Variants in TRMT1 observed in about 807,000 individuals in gnomAD.
TRMT1 encodes the protein tRNA (guanine(26)-N(2))-dimethyltransferase.
A neutral mutation model predicts 75.4 loss-of-function variants in TRMT1; 63 were observed. The ratio of observed to expected loss-of-function variants is 0.84; its 90% CI spans 0.68 to 1.03. The LOEUF (loss-of-function observed/expected upper bound fraction) is 1.03, where lower values mean the gene tolerates loss of function less well. Ranked by LOEUF, TRMT1 falls within the 50% of genes least tolerant of loss-of-function variation. The pLI is 0.00. For synonymous variants in TRMT1, 382 were observed against 358.1 expected (o/e 1.07, Z -0.75); for missense variants, 870 against 905.3 (o/e 0.96, Z 0.50).
chr19:13,109,481 A>G lies in TRMT1; in HGVS notation c.1312-15T>C. 6.2e-7 allele frequency: 1 copy of G among 1,614,020 alleles called. No individual in the cohort carries two copies. Among genetic ancestry groups the G allele is most frequent in the Non-Finnish European group, 8.5e-7 (1 of 1,180,004 alleles). On this transcript the variant is annotated splice_polypyrimidine_tract_variant and intron_variant, in intron 11 of 16. Transcript: ENST00000357720. ...TCCGGGAGCTCCTGCGATGGGGGAC[A>G]GGATGGGCATGAGTGGAGATGGACG...
chr19:13,112,623 G>T, intron 7 of TRMT1, 82 bp downstream of exon 7: 1 of 1,368,142 alleles, frequency 7.3e-7, no homozygotes, highest in Non-Finnish European at 1.0e-6. Flanking sequence ...CAGGTCTGAG[G>T]AGGGGGAAAG....
Position 13,109,559 on chromosome 19 carries a change from G to A in TRMT1, c.1302C>T (p.Val434=). Residue 434 remains valine, a synonymous_variant, in exon 11 of 17, where the codon GTC becomes GTT. Transcript: ENST00000357720. ...TSERIRGVLS[V]ITEELPDVPL... ...ACAGCCCGGCTCTCACCTCAGTGATGACGCTCAGGACCCCTCGGATCCGCT... is the reference window on the plus strand; with the variant it reads ...ACAGCCCGGCTCTCACCTCAGTGATAACGCTCAGGACCCCTCGGATCCGCT... The A allele has an allele frequency of 6.2e-7, 1 of 1,614,036 alleles. No homozygotes were observed. Among genetic ancestry groups the A allele is most frequent in the South Asian group, 1.1e-5 (1 of 91,074 alleles).
In TRMT1 at chr19:13,115,382, C is replaced by A; in HGVS notation, c.538G>T (p.Val180Leu). 6.2e-7 allele frequency: 1 copy of A among 1,614,134 alleles called. No homozygotes were observed. Among genetic ancestry groups the A allele is most frequent in the South Asian group, 1.1e-5 (1 of 91,090 alleles). ...FALEVPGLRS[V>L]VANDASTRAV... ...CGGGTGGAGGCATCGTTTGCAACCA[C>A]AGATCTGAGCCCAGGCACCTCTAGG... Residue 180 changes from valine (V) to leucine (L), a missense_variant, in exon 5 of 17, where the codon GTG (valine) becomes TTG (leucine). By Grantham distance (32) the Val-to-Leu change is conservative. Coordinates refer to ENST00000357720, the MANE Select transcript of TRMT1 (RefSeq NM_001136035.4).
At position 13,107,804 on chromosome 19, in the gene TRMT1, C is replaced by A; in HGVS notation, c.1453G>T (p.Ala485Ser). ...RVSLSHACKN[A>S]VKTDAPASAL... ...GAGGCAGGGGCATCCGTCTTCACAGCGTTCTTACAGGCGTGGGAGAGTGAG... is the reference window on the plus strand; with the variant it reads ...GAGGCAGGGGCATCCGTCTTCACAGAGTTCTTACAGGCGTGGGAGAGTGAG... The change falls in exon 13 of 17, where the codon GCT becomes TCT. Residue 485 changes from alanine (A) to serine (S), a missense_variant. Ala to Ser is a moderately conservative substitution (Grantham distance 99, BLOSUM62 1). Coordinates refer to ENST00000357720, the MANE Select transcript of TRMT1 (RefSeq NM_001136035.4). 1 of 1,552,284 alleles carries A rather than the reference C, an allele frequency of 6.4e-7. No homozygotes were observed. Among genetic ancestry groups the A allele is most frequent in the South Asian group, 1.2e-5 (1 of 84,164 alleles).
At chr19:13,111,032 G>T (rs1243058564) in intron 7 of TRMT1, among the ~76,000 whole-genome samples, 1 of 152,188 alleles carries the variant, frequency 6.6e-6, no homozygotes, top group African/African-American at 2.4e-5. Flanking sequence ...GCATTTCCCG[G>T]GCTGACTTCA....
Position 13,105,667 on chromosome 19 carries a change from C to T in TRMT1, c.1584-61G>A, listed in dbSNP as rs1599921545. On this transcript the variant is annotated intron_variant, in intron 14 of 16. Coordinates refer to ENST00000357720, the MANE Select transcript of TRMT1 (RefSeq NM_001136035.4). ...AAGCTGCCACACGAGTGTGTCCCCA[C>T]TCCCCACAGGGCCTGTCCGCCTCCA... The T allele has an allele frequency of 5.9e-6, 9 of 1,523,872 alleles. No individual in the cohort carries two copies. The East Asian group carries it at 2.0e-4, about 34-fold the overall frequency. The allele number at this position is 1,523,872 out of a possible 1,614,324, so 94.4% of individuals were successfully genotyped here.
rs1275904899 is a variant in TRMT1, at chr19:13,116,220, C to G, written c.180G>C (p.Gly60=). 6.2e-7 allele frequency: 1 copy of G among 1,614,080 alleles called. No individual in the cohort carries two copies. Among genetic ancestry groups the G allele is most frequent in the Non-Finnish European group, 8.5e-7 (1 of 1,180,044 alleles). The change falls in exon 2 of 17, where the codon GGG becomes GGC. Residue 60 remains glycine, a synonymous_variant. Coordinates refer to ENST00000357720, the MANE Select transcript of TRMT1 (RefSeq NM_001136035.4). ...REVQETTVTE[G]AAKIAFPSAN... ...CACTGGGAAAGGCGATTTTGGCAGC[C>G]CCCTCGGTGACTGTCGTCTCCTGGA...
At position 13,105,618 on chromosome 19, in the gene TRMT1, G is replaced by C. The variant is rs753340587; in HGVS notation, c.1584-12C>G. The C allele has an allele frequency of 3.1e-6, 5 of 1,609,328 alleles. No individual in the cohort carries two copies. The Admixed American group carries it at 8.4e-5, about 27-fold the overall frequency. ...AGTTGGCCTGCAGCCTAGGGAAGCA[G>C]GGGTGGGGCGTTGGGGCTGGGGGAA... On this transcript the variant is annotated splice_polypyrimidine_tract_variant and intron_variant, in intron 14 of 16. Coordinates refer to ENST00000357720, the MANE Select transcript of TRMT1 (RefSeq NM_001136035.4).
At chr19:13,105,240 G>C (rs1241416099) in intron 16 of TRMT1, 27 bp downstream of exon 16, 1 of 1,605,080 alleles carries the variant, frequency 6.2e-7, no homozygotes, top group South Asian at 1.1e-5. Context: ...GTGTCCTGCA[G>C]TGGAGGAAAG....
Position 13,109,364 on chromosome 19 carries a change from ACCCCAGG to A in TRMT1, c.1397+10_1397+16del. 6.2e-7 allele frequency: 1 copy of A among 1,611,574 alleles called. No homozygotes were observed. On this transcript the variant is annotated intron_variant, in intron 12 of 16. Coordinates refer to ENST00000357720, the MANE Select transcript of TRMT1 (RefSeq NM_001136035.4). The stretch of plus-strand genomic sequence containing the variant: ...TGTGGTCTGGGACAGGCTCCTCCCG[ACCCCAGG>A]GGCTCTTACCGCAACTGCAGGAGGC...
At position 13,116,367 on chromosome 19, in the gene TRMT1, A is replaced by G. The variant is rs749752405; in HGVS notation, c.33T>C (p.Thr11=). The G allele has an allele frequency of 2.2e-5, 36 of 1,610,750 alleles. No individual in the cohort carries two copies. Among genetic ancestry groups the G allele is most frequent in the South Asian group, 1.6e-4 (15 of 91,030 alleles). The change falls in exon 2 of 17, where the codon ACT becomes ACC. Residue 11 remains threonine (T), a synonymous_variant. Transcript: ENST00000357720. ...TAGAGAGCACCCGGGCGGAGCGGAAAGTGAGGCTTAGCCACAGAGACGATC... is the reference window on the plus strand; with the variant it reads ...TAGAGAGCACCCGGGCGGAGCGGAAGGTGAGGCTTAGCCACAGAGACGATC... MQGSSLWLSL[T]FRSARVLSRA...
chr19:13,111,476 C>T (rs1165985822), intron 7 of TRMT1, among the ~76,000 whole-genome samples: 4 of 147,510 alleles, frequency 2.7e-5, no homozygotes, highest in African/African-American at 7.5e-5. Flanking sequence ...CTCCACCTCC[C>T]GGGTTCAAGT....
chr19:13,110,700 G>A (rs1237439816), intron 7 of TRMT1, among the ~76,000 whole-genome samples: 3 of 152,214 alleles, frequency 2.0e-5, no homozygotes, highest in Admixed American at 1.3e-4. Flanking sequence ...GGGCGTGGTG[G>A]CTCATGCCTG....
intron 14 of TRMT1, 85 bp downstream of exon 14, chr19:13,107,489 G>A (rs1298608399): frequency 1.4e-6 from 2 of 1,447,494 alleles, no homozygotes; most frequent in East Asian, 5.0e-5. Context: ...GAGTCTGTGT[G>A]GGGCAGCATC....
chr19:13,115,071 T>C (rs919190446), intron 5 of TRMT1, among the ~76,000 whole-genome samples: 2 of 152,232 alleles, frequency 1.3e-5, no homozygotes, highest in Admixed American at 1.3e-4. Context: ...TACTTATTTC[T>C]GGCACAGAGT....
Position 13,110,308 on chromosome 19 carries a change from TGGGGGTG to T in TRMT1, c.871-9_871-3del. Reference sequence around the variant, plus strand: ...GCTGTGCAGGACGATTCTCAGGGCCTGGGGGTGGGGGGTGGGTGTCAGCCTCCCCTCC... The same window carrying T: ...GCTGTGCAGGACGATTCTCAGGGCCTGGGGGTGGGTGTCAGCCTCCCCTCC... On this transcript the variant is annotated splice_polypyrimidine_tract_variant and splice_region_variant and intron_variant, in intron 7 of 16. Transcript: ENST00000357720. The T allele has an allele frequency of 2.6e-5, 18 of 683,528 alleles. No homozygotes were observed. The highest frequency in any genetic ancestry group is 4.5e-5 in the Non-Finnish European group (18 of 400,882). 42.3% of individuals were successfully genotyped at this position (683,528 alleles called of 1,614,324 possible). A position where few individuals can be genotyped will look rare whatever the true frequency, so the allele number is the denominator to read the frequency against.
At chr19:13,107,982 TTTC>T in intron 12 of TRMT1, 123 bp from the exon 13 acceptor site, 3 of 619,634 alleles carry the variant, frequency 4.8e-6, no homozygotes, top group Non-Finnish European at 5.4e-6. Flanking sequence ...TTTCTTTTCT[TTTC>T]TTTTTTTTTT....
At chr19:13,113,055 A>G in intron 5 of TRMT1, 44 bp from the exon 6 acceptor site, 1 of 1,492,550 alleles carries the variant, frequency 6.7e-7, no homozygotes, top group Non-Finnish European at 9.1e-7. Flanking sequence ...CACGCCAGGT[A>G]CCTTCTCTGT....
Position 13,116,176 on chromosome 19 carries a change from T to C in TRMT1, c.224A>G (p.Asn75Ser), listed in dbSNP as rs771306950. The change falls in exon 2 of 17, where the codon AAC becomes AGC. Residue 75 changes from asparagine to serine, a missense_variant. Coordinates refer to ENST00000357720, the MANE Select transcript of TRMT1 (RefSeq NM_001136035.4). Reference sequence around the variant, plus strand: ...GTCCCGATTGAATTCCTGCACCGGGTTATAAAAGACCTCGTTGGCACTGGG... The same window carrying C: ...GTCCCGATTGAATTCCTGCACCGGGCTATAAAAGACCTCGTTGGCACTGGG... ...AFPSANEVFYNPVQEFNRDLT... is the reference protein window; with the variant it reads ...AFPSANEVFYSPVQEFNRDLT... 1.9e-6 allele frequency: 3 copies of C among 1,613,618 alleles called. No homozygotes were observed. Among genetic ancestry groups the C allele is most frequent in the South Asian group, 1.1e-5 (1 of 91,046 alleles).
Sources: gnomAD v4.1 joint callset for allele counts (sites outside exome capture counted in the v4.1 genomes callset) on GRCh38, gnomAD v4.1.1 for gene constraint, MANE v1.5 for transcripts, NCBI Gene and HGNC (gene_info 2026-07-23, HGNC 2026-07-21) for gene names.